WDR64: variants seen among roughly 807,000 people sequenced by gnomAD.
WDR64 encodes WD repeat domain 64, also known as WD repeat-containing protein 64.
In WDR64, 112 loss-of-function variants were observed where a neutral mutation model predicts 139.3. That is an observed-to-expected ratio of 0.80 (90% CI 0.69 to 0.94). The LOEUF is 0.94. WDR64 is among the 40% of genes least tolerant of loss of function. The pLI, the probability that WDR64 is intolerant of heterozygous loss-of-function variation, is 0.00. For synonymous variants in WDR64, 444 were observed against 437.7 expected, an observed-to-expected ratio of 1.01 and a Z score of -0.18; for missense variants, 1,206 against 1,293.1, an observed-to-expected ratio of 0.93 and a Z score of 1.03.
chr1:241,688,018 T>C (rs1279839330), intron 8 of WDR64, among the ~76,000 whole-genome samples: 1 of 152,192 alleles, frequency 6.6e-6, no homozygotes, highest in Non-Finnish European at 1.5e-5. Flanking sequence ...CATAGAAAGG[T>C]TCATTTGAAT....
chr1:241,757,448 C>A lies in WDR64; in HGVS notation c.1936C>A (p.Gln646Lys). The A allele has an allele frequency of 6.2e-7, 1 of 1,609,908 alleles. No individual in the cohort carries two copies. The highest frequency in any genetic ancestry group is 1.1e-5 in the South Asian group (1 of 89,822). ...VELIVERNFSQPTDNPTMDLL... is the reference protein window; with the variant it reads ...VELIVERNFSKPTDNPTMDLL... Reference sequence around the variant, plus strand: ...GTTGATAGTTGAGAGGAACTTTTCTCAACCTACTGATGTAAGTTTCCTCTC... The same window carrying A: ...GTTGATAGTTGAGAGGAACTTTTCTAAACCTACTGATGTAAGTTTCCTCTC... Residue 646 changes from glutamine to lysine, a missense_variant, in exon 15 of 28, where the codon CAA (glutamine) becomes AAA (lysine). Transcript: ENST00000437684.
At chr1:241,689,707 G>C (rs1486894832) in intron 8 of WDR64, among the ~76,000 whole-genome samples, 2 of 152,126 alleles carry the variant, frequency 1.3e-5, no homozygotes, top group Non-Finnish European at 2.9e-5. Context: ...CAGGCTAAGG[G>C]CTCGGATAAA....
At chr1:241,710,070 A>G (rs529477748) in intron 8 of WDR64, among the ~76,000 whole-genome samples, 1 of 152,170 alleles carries the variant, frequency 6.6e-6, no homozygotes, top group African/African-American at 2.4e-5. Flanking sequence ...GAAAAGAAAA[A>G]AAAAAAGAAA....
chr1:241,671,786 AGGAAGAG>A (rs1158035847), intron 3 of WDR64, among the ~76,000 whole-genome samples: 1 of 152,164 alleles, frequency 6.6e-6, no homozygotes, highest in Non-Finnish European at 1.5e-5. Flanking sequence ...GGAGGAGGTC[AGGAAGAG>A]GGAAGACAAA....
Position 241,769,503 on chromosome 1 carries a change from A to T in WDR64, c.2181A>T (p.Ala727=). ...TCCTCTTTCGTACCCCTGAATGTGC[A>T]AGGTAACTCGTTACTTACTGAACCA... The part of the protein sequence containing the change: ...ILFLFRTPEC[A]RRSSQDSICS... The change falls in exon 17 of 28, where the codon GCA becomes GCT. Residue 727 remains alanine (A), a splice_region_variant and synonymous_variant. Coordinates refer to ENST00000437684, the MANE Select transcript of WDR64 (RefSeq NM_001367482.1). 6.4e-7 allele frequency: 1 copy of T among 1,550,870 alleles called. No homozygotes were observed. Among genetic ancestry groups the T allele is most frequent in the Non-Finnish European group, 8.7e-7 (1 of 1,146,480 alleles).
At chr1:241,690,299 C>T (rs1015076703) in intron 8 of WDR64, among the ~76,000 whole-genome samples, 6 of 151,852 alleles carry the variant, frequency 4.0e-5, no homozygotes, top group South Asian at 4.2e-4. Context: ...GGTAAAACCC[C>T]GTCTCTACTA....
At chr1:241,800,955 T>TCCTA (rs1659506034) in intron 27 of WDR64, among the ~76,000 whole-genome samples, 177 bp from the exon 28 acceptor site, 1 of 152,004 alleles carries the variant, frequency 6.6e-6, no homozygotes. Flanking sequence ...GAGCCCCACC[T>TCCTA]CCTAATTTAA....
intron 4 of WDR64, among the ~76,000 whole-genome samples, chr1:241,675,100 CCCT>C (rs1303414343): frequency 1.6e-5 from 2 of 128,576 alleles, no homozygotes; most frequent in East Asian, 2.4e-4. Flanking sequence ...CTTCCTCCCT[CCCT>C]CCTTCCTTCC....
intron 13 of WDR64, among the ~76,000 whole-genome samples, 155 bp downstream of exon 13, chr1:241,744,671 A>G (rs1319671425): frequency 6.6e-6 from 1 of 152,240 alleles, no homozygotes; most frequent in Non-Finnish European, 1.5e-5. Flanking sequence ...GAATAGTGGT[A>G]GAGTCCCTTA....
chr1:241,668,767 G>A (rs892091579), intron 2 of WDR64, among the ~76,000 whole-genome samples: 1 of 152,068 alleles, frequency 6.6e-6, no homozygotes, highest in African/African-American at 2.4e-5. Flanking sequence ...AAATTAGCCA[G>A]GCATGATGGC....
intron 3 of WDR64, among the ~76,000 whole-genome samples, chr1:241,671,842 T>C (rs955918377): frequency 7.2e-5 from 11 of 152,102 alleles, no homozygotes; most frequent in Admixed American, 7.2e-4. Context: ...TTTCCTCTCA[T>C]ATTCTGAGAT....
rs776902011 is a variant in WDR64, at chr1:241,790,542, G to A, written c.2892-49G>A. ...ATAATGGATCTTTGTTTAGTTGGCA[G>A]AGAATAAAAGGTATGGGTATGTACT... On this transcript the variant is annotated intron_variant, in intron 24 of 27. Transcript: ENST00000437684. 2.1e-6 allele frequency: 3 copies of A among 1,456,684 alleles called. No individual in the cohort carries two copies. The Admixed American group carries it at 6.3e-5, about 31-fold the overall frequency. 90.2% of individuals were successfully genotyped at this position (1,456,684 alleles called of 1,614,324 possible). A position where few individuals can be genotyped will look rare whatever the true frequency, so the allele number is the denominator to read the frequency against.
intron 22 of WDR64, among the ~76,000 whole-genome samples, chr1:241,782,005 G>C (rs924264713): frequency 2.0e-5 from 3 of 152,206 alleles, no homozygotes; most frequent in African/African-American, 7.2e-5. Context: ...ATAAGAAGTA[G>C]GCCAGACACG....
intron 10 of WDR64, among the ~76,000 whole-genome samples, chr1:241,735,787 G>A (rs1669284585): frequency 7.2e-6 from 1 of 138,696 alleles, no homozygotes; most frequent in African/African-American, 2.7e-5. Flanking sequence ...CGCCTGCCTC[G>A]GTGAGCCACT....
intron 10 of WDR64, among the ~76,000 whole-genome samples, chr1:241,735,533 C>CTT (rs58339742): frequency 0.029 from 3,007 of 103,432 alleles, 192 homozygotes; most frequent in African/African-American, 0.084. Flanking sequence ...CTCTCTCTCT[C>CTT]TTTTTTTTTT....
chr1:241,793,033 T>C (rs1241617871), intron 25 of WDR64, among the ~76,000 whole-genome samples: 2 of 152,190 alleles, frequency 1.3e-5, no homozygotes, highest in African/African-American at 4.8e-5. Flanking sequence ...TAAACTGGAA[T>C]ACTATAGACC....
At position 241,801,226 on chromosome 1, in the gene WDR64, T is replaced by C; in HGVS notation, c.*11T>C. ...GCTATACCCAAGTAAGGAGAAAAAA[T>C]CAGAAATGGCTGCTGCACATAAAAT... On this transcript the variant is annotated 3_prime_UTR_variant, in exon 28 of 28. Coordinates refer to ENST00000437684, the MANE Select transcript of WDR64 (RefSeq NM_001367482.1). 1 of 1,610,610 alleles carries C rather than the reference T, an allele frequency of 6.2e-7. No homozygotes were observed. Among genetic ancestry groups the C allele is most frequent in the Non-Finnish European group, 8.5e-7 (1 of 1,177,240 alleles).
rs185477213 is a variant in WDR64, at chr1:241,706,879, T to A, written c.975-4923T>A. Among the ~76,000 whole-genome samples the A allele has an allele frequency of 3.8e-3, 578 of 152,338 alleles. 1 individual carries two copies. The highest frequency in any genetic ancestry group is 0.013 in the African/African-American group (557 of 41,578). On this transcript the variant is annotated intron_variant, in intron 8 of 27. Coordinates refer to ENST00000437684, the MANE Select transcript of WDR64 (RefSeq NM_001367482.1). The stretch of plus-strand genomic sequence containing the variant: ...ATTGTAGTGTCTATTTCAAAAAATA[T>A]GAGAGCTATTCCTGCAAACTGGTAG...
At chr1:241,679,034 T>C (rs889144005) in intron 5 of WDR64, among the ~76,000 whole-genome samples, 1 of 152,128 alleles carries the variant, frequency 6.6e-6, no homozygotes, top group African/African-American at 2.4e-5. Context: ...TTGGTGTCTT[T>C]AGGTAGGACA....
Sources: gnomAD v4.1 joint callset for allele counts (sites outside exome capture counted in the v4.1 genomes callset) on GRCh38, gnomAD v4.1.1 for gene constraint, MANE v1.5 for transcripts, NCBI Gene and HGNC (gene_info 2026-07-23, HGNC 2026-07-21) for gene names.